MED13: variants seen among roughly 807,000 people sequenced by gnomAD.
The protein encoded by MED13 is mediator of RNA polymerase II transcription subunit 13.
A neutral mutation model predicts 225.2 loss-of-function variants in MED13; 23 were observed. The observed-to-expected ratio is 0.10, with a 90% confidence interval of 0.07 to 0.14. MED13 has a LOEUF of 0.14. Ranked by LOEUF, MED13 falls within the 10% of genes least tolerant of loss-of-function variation. The pLI is 1.00. For missense variants in MED13, 2,197 were observed against 2,594.5 expected, an observed-to-expected ratio of 0.85 and a Z score of 3.33; for synonymous variants, 942 against 889.2, an observed-to-expected ratio of 1.06 and a Z score of -1.06.
intron 23 of MED13, among the ~76,000 whole-genome samples, chr17:61,959,360 G>GT (rs1474626991): frequency 1.3e-5 from 2 of 151,928 alleles, no homozygotes; most frequent in African/African-American, 4.8e-5. Context: ...CTTTATCAAG[G>GT]TAGTAAAATG....
In MED13 at chr17:62,010,907, C is replaced by G; in HGVS notation, c.1610G>C (p.Ser537Thr). The G allele has an allele frequency of 6.2e-7, 1 of 1,613,474 alleles. No individual in the cohort carries two copies. The highest frequency in any genetic ancestry group is 1.3e-5 in the African/African-American group (1 of 75,036). ...MANSPQPPPL[S>T]PHPCDVVDEG... is the part of the protein sequence containing the mutation. ...ATCAACCACATCACAAGGGTGAGGA[C>G]TAAGTGGGGGTGGTTGAGGTGAATT... The change falls in exon 9 of 30, where the codon AGT (serine) becomes ACT (threonine). Residue 537 changes from serine (S) to threonine (T), a missense_variant. By Grantham distance (58) the Ser-to-Thr change is moderately conservative. Transcript: ENST00000397786.
rs2080567446 is a variant in MED13 at position 62,015,934 on chromosome 17, ATATATATATATATATATATATTTT to A, written c.1284-4725_1284-4702del. On this transcript the variant is annotated intron_variant, in intron 8 of 29. Transcript: ENST00000397786. Reference sequence around the variant, plus strand: ...TATACACATATATATATATATATATATATATATATATATATATATATTTTTTTTTTTTTTTTTTTTTTTTTTTTT... The same window carrying A: ...TATACACATATATATATATATATATATTTTTTTTTTTTTTTTTTTTTTTTT... Among the ~76,000 whole-genome samples the A allele has an allele frequency of 9.1e-4, 8 of 8,838 alleles. 2 individuals are homozygous for A. Among genetic ancestry groups the A allele is most frequent in the Non-Finnish European group, 1.8e-3 (7 of 3,838 alleles). The allele number at this position is 8,838 out of a possible 152,430, so 5.8% of individuals were successfully genotyped here.
At chr17:62,013,403 A>T (rs1422663371) in intron 8 of MED13, among the ~76,000 whole-genome samples, 1 of 152,196 alleles carries the variant, frequency 6.6e-6, no homozygotes, top group Non-Finnish European at 1.5e-5. Context: ...AATATCATGC[A>T]TCACATTAAC....
chr17:62,001,492 A>T (rs1337350064), intron 9 of MED13, among the ~76,000 whole-genome samples: 2 of 152,150 alleles, frequency 1.3e-5, no homozygotes, highest in African/African-American at 4.8e-5. Context: ...TTGTCATTTT[A>T]TCTCACTCAA....
At chr17:62,055,031 C>T (rs553618585) in intron 2 of MED13, among the ~76,000 whole-genome samples, 2 of 152,214 alleles carry the variant, frequency 1.3e-5, no homozygotes, top group Admixed American at 1.3e-4. Flanking sequence ...GTCTCCTTCG[C>T]AAAAATAGTA....
At chr17:62,007,361 T>C (rs1489853853) in intron 9 of MED13, 1 of 152,154 alleles carries the variant, frequency 6.6e-6, no homozygotes, top group African/African-American at 2.4e-5. Context: ...AACGGAATGT[T>C]ATTTTTAAAA....
At chr17:61,983,145 T>A (rs772185912) in intron 15 of MED13, 31 bp from the exon 16 acceptor site, 18 of 1,478,562 alleles carry the variant, frequency 1.2e-5, no homozygotes, top group African/African-American at 1.1e-4. Context: ...GAAGATCAAA[T>A]ATATATATAA....
Position 61,982,221 on chromosome 17 carries a change from A to G in MED13, c.3782T>C (p.Leu1261Ser). 1 of 1,613,488 alleles carries G rather than the reference A, an allele frequency of 6.2e-7. No individual in the cohort carries two copies. The highest frequency in any genetic ancestry group is 8.5e-7 in the Non-Finnish European group (1 of 1,179,686). Residue 1261 changes from leucine (L) to serine (S), a missense_variant, in exon 16 of 30, where the codon TTA becomes TCA. Around this residue, in one of 12 missense-constraint regions of MED13, gnomAD observed 203 missense variants for 209.7 expected, o/e 0.97. Coordinates refer to ENST00000397786, the MANE Select transcript of MED13 (RefSeq NM_005121.3). Reference protein sequence around the residue: ...VDEALVKSSCLHPWSKRNDVS... With the variant: ...VDEALVKSSCSHPWSKRNDVS... ...ACCGTTTCTTTTGGACCAGGGGTGT[A>G]AGCATGAACTTTTCACAAGTGCTTC...
chr17:62,010,289 T>A, intron 9 of MED13: 1 of 310,782 alleles, frequency 3.2e-6, no homozygotes, highest in Non-Finnish European at 5.8e-6. Context: ...TACATGGGAA[T>A]TCTAACTGTA....
At position 62,045,007 on chromosome 17, in the gene MED13, C is replaced by T. The variant is rs568836829; in HGVS notation, c.470+7530G>A. On this transcript the variant is annotated intron_variant, in intron 3 of 29. Coordinates refer to ENST00000397786, the MANE Select transcript of MED13 (RefSeq NM_005121.3). Reference sequence around the variant, plus strand: ...GAATTAAAGATAACTATTTTACATACAGTAAATATATCAAAAAAGATTTAA... The same window carrying T: ...GAATTAAAGATAACTATTTTACATATAGTAAATATATCAAAAAAGATTTAA... Among the ~76,000 whole-genome samples, 5 of 151,508 alleles carry T rather than the reference C, an allele frequency of 3.3e-5. No homozygotes were observed. In the South Asian group the frequency reaches 8.3e-4, roughly 25 times the overall value.
intron 3 of MED13, among the ~76,000 whole-genome samples, chr17:62,037,685 A>G (rs2080816421): frequency 7.2e-6 from 1 of 138,972 alleles, no homozygotes; most frequent in Non-Finnish European, 1.5e-5. Context: ...AAAAAAAAAG[A>G]CAAAGAGGCC....
At chr17:62,031,393 G>A in intron 6 of MED13, 51 bp downstream of exon 6, 1 of 1,393,112 alleles carries the variant, frequency 7.2e-7, no homozygotes, top group South Asian at 1.5e-5. Context: ...AGTACTTACT[G>A]TACACAAAAT....
chr17:62,047,400 T>C (rs1168615662), intron 3 of MED13, among the ~76,000 whole-genome samples: 2 of 152,120 alleles, frequency 1.3e-5, no homozygotes, highest in Admixed American at 1.3e-4. Flanking sequence ...TTATGTCCTT[T>C]GCAGGGACAT....
At chr17:61,956,078 G>C (rs111502829) in intron 24 of MED13, among the ~76,000 whole-genome samples, 48 of 152,212 alleles carry the variant, frequency 3.2e-4, no homozygotes, top group African/African-American at 1.1e-3. Context: ...CTGCTCAACA[G>C]AGGATGAGTT....
chr17:62,012,649 G>A (rs772841507), intron 8 of MED13, among the ~76,000 whole-genome samples: 5 of 151,660 alleles, frequency 3.3e-5, no homozygotes, highest in Non-Finnish European at 5.9e-5. Flanking sequence ...TTAAAATGTG[G>A]TAAGATATGG....
At chr17:61,968,791 GC>G (rs1410584149) in intron 17 of MED13, among the ~76,000 whole-genome samples, 3 of 151,970 alleles carry the variant, frequency 2.0e-5, no homozygotes, top group African/African-American at 7.3e-5. Flanking sequence ...TTGCTCTATT[GC>G]CCAGATTAGA....
Position 61,995,958 on chromosome 17 carries a change from T to C in MED13, c.1968-593A>G, listed in dbSNP as rs370810576. Among the ~76,000 whole-genome samples the C allele has an allele frequency of 1.5e-3, 231 of 152,298 alleles. 3 individuals carry two copies. The South Asian group carries it at 0.045, about 29-fold the overall frequency. ...CAGTGCAAGTATCTGAGTTTTCTAA[T>C]CACATTGGCACATCAATTTTTAAGT... On this transcript the variant is annotated intron_variant, in intron 9 of 29. Coordinates refer to ENST00000397786, the MANE Select transcript of MED13 (RefSeq NM_005121.3).
intron 16 of MED13, among the ~76,000 whole-genome samples, chr17:61,980,161 C>G (rs953012911): frequency 2.6e-5 from 4 of 152,100 alleles, no homozygotes; most frequent in African/African-American, 7.2e-5. Flanking sequence ...TGCACTCCAG[C>G]CTGGTGACAG....
At chr17:62,045,771 T>C (rs1019095171) in intron 3 of MED13, among the ~76,000 whole-genome samples, 5 of 152,170 alleles carry the variant, frequency 3.3e-5, no homozygotes, top group Non-Finnish European at 7.3e-5. Context: ...AAACCAATTA[T>C]CTGAAGACTG....
Sources: gnomAD v4.1 joint callset for allele counts (sites outside exome capture counted in the v4.1 genomes callset) on GRCh38, gnomAD v4.1.1 for gene constraint, gnomAD v4.1.1 regional missense constraint, MANE v1.5 for transcripts, NCBI Gene and HGNC (gene_info 2026-07-23, HGNC 2026-07-21) for gene names.